CELF2: variants seen among roughly 807,000 people sequenced by gnomAD.
CELF2 encodes CUGBP Elav-like family member 2.
A neutral mutation model predicts 62.6 loss-of-function variants in CELF2; 8 were observed. The ratio of observed to expected loss-of-function variants is 0.13; its 90% CI spans 0.07 to 0.23. CELF2 has a LOEUF of 0.23. Among genes scored for constraint, CELF2 ranks in the 10% least tolerant of loss-of-function variants. The pLI is 1.00. For synonymous variants in CELF2, 258 were observed against 250.0 expected, an observed-to-expected ratio of 1.03 and a Z score of -0.30; for missense variants, 333 against 671.0, an observed-to-expected ratio of 0.50 and a Z score of 5.56.
the CELF2 span, among the ~76,000 whole-genome samples, chr10:10,785,745 A>G: frequency 1.3e-3 from 192 of 152,310 alleles, no homozygotes; most frequent in African/African-American, 4.5e-3. Context: ...AAGAAATTGG[A>G]GAGAAGTTGG....
the CELF2 span, among the ~76,000 whole-genome samples, chr10:10,598,724 ATTTTCTTTTTCT>A: frequency 2.0e-4 from 15 of 76,344 alleles, no homozygotes; most frequent in East Asian, 3.1e-3. Flanking sequence ...TCAAGGGCTG[ATTTTCTTTTTCT>A]TTTTCTTTTT....
intron 1 of CELF2, among the ~76,000 whole-genome samples, chr10:10,831,929 A>G (rs1412629619): frequency 6.8e-6 from 1 of 148,148 alleles, no homozygotes; most frequent in Non-Finnish European, 1.5e-5. Flanking sequence ...CCAAGATTGC[A>G]CCAGTGCACT....
the CELF2 span, among the ~76,000 whole-genome samples, chr10:10,555,749 C>A: frequency 6.6e-6 from 1 of 152,162 alleles, no homozygotes; most frequent in Admixed American, 6.5e-5. Context: ...CATGCACTCA[C>A]ACTCACAAAC....
the CELF2 span, among the ~76,000 whole-genome samples, chr10:10,630,476 T>C: frequency 3.9e-5 from 6 of 152,172 alleles, no homozygotes; most frequent in African/African-American, 1.2e-4. Context: ...CTCCCCTCAC[T>C]GCAGAAAGAG....
At chr10:10,994,124 A>G (rs187280950) in intron 2 of CELF2, among the ~76,000 whole-genome samples, 128 of 152,372 alleles carry the variant, frequency 8.4e-4, no homozygotes, top group African/African-American at 2.9e-3. Flanking sequence ...TATAGACAGC[A>G]GGAAGATTAA....
chr10:10,820,943 A>G (rs1182591693), intron 1 of CELF2, among the ~76,000 whole-genome samples: 1 of 152,220 alleles, frequency 6.6e-6, no homozygotes, highest in African/African-American at 2.4e-5. Context: ...TCTGGGGGTT[A>G]TTGTAGATAT....
intron 1 of CELF2, among the ~76,000 whole-genome samples, chr10:11,045,313 T>G (rs1376462719): frequency 6.6e-6 from 1 of 152,166 alleles, no homozygotes; most frequent in East Asian, 1.9e-4. Context: ...AAGTTGCTCA[T>G]GCTGGTCTAG....
At position 11,331,106 on chromosome 10, in the gene CELF2, A is replaced by G. The variant is rs2096004771; in HGVS notation, c.*2053A>G. ...CACCTTTTGCTGAACTCACAGTTAG[A>G]CAATCCATGGTTTAATGCACATGAA... On this transcript the variant is annotated 3_prime_UTR_variant, in exon 13 of 13. Transcript: ENST00000633077. 1 of 152,586 alleles carries G rather than the reference A, an allele frequency of 6.6e-6. No homozygotes were observed. The highest frequency in any genetic ancestry group is 1.5e-5 in the Non-Finnish European group (1 of 68,032). The allele number at this position is 152,586 out of a possible 1,614,324, so 9.5% of individuals were successfully genotyped here.
At position 10,813,145 on chromosome 10, in the gene CELF2, G is replaced by T. The variant is rs185744819; in HGVS notation, c.53+14328G>T. Among the ~76,000 whole-genome samples the T allele has an allele frequency of 9.5e-4, 144 of 152,116 alleles. 3 individuals carry two copies. In the South Asian group the frequency reaches 0.028, roughly 30 times the overall value. On this transcript the variant is annotated intron_variant, in intron 1 of 13. Transcript: ENST00000636488. ...AGGCTCTTTTATTCCCACTCCTTCCGTAGAGCTGATGGACGAAACTACAGA... is the reference window on the plus strand; with the variant it reads ...AGGCTCTTTTATTCCCACTCCTTCCTTAGAGCTGATGGACGAAACTACAGA...
chr10:10,537,551 AAAATACTTC>A, the CELF2 span, among the ~76,000 whole-genome samples: 1 of 152,186 alleles, frequency 6.6e-6, no homozygotes, highest in African/African-American at 2.4e-5. Flanking sequence ...CTTACCTTAA[AAAATACTTC>A]ATAACGACCT....
chr10:11,318,637 A>T lies in CELF2; in HGVS notation c.1097-2552A>T. On this transcript the variant is annotated intron_variant, in intron 10 of 12. Transcript: ENST00000633077. This position sits in a 1 kb window ranked among gnomAD's most constrained non-coding sequence, Gnocchi z 5.4. ...CAAGCCTCACAATACCCTCTGAAAC[A>T]TCCATCCAGTATTTCAAGAGCAGGA... The T allele has an allele frequency of 2.6e-6, 1 of 391,088 alleles. No individual in the cohort carries two copies. Among genetic ancestry groups the T allele is most frequent in the Non-Finnish European group, 5.3e-6 (1 of 190,158 alleles). 24.2% of individuals were successfully genotyped at this position (391,088 alleles called of 1,614,324 possible). A position where few individuals can be genotyped will look rare whatever the true frequency, so the allele number is the denominator to read the frequency against.
At chr10:11,118,778 T>C (rs1395943852) in intron 1 of CELF2, among the ~76,000 whole-genome samples, 1 of 152,206 alleles carries the variant, frequency 6.6e-6, no homozygotes, top group African/African-American at 2.4e-5. Context: ...TGTAGTGTTA[T>C]TTTACAGCTC....
the CELF2 span, among the ~76,000 whole-genome samples, chr10:10,748,786 A>G: frequency 6.6e-6 from 1 of 150,640 alleles, no homozygotes; most frequent in Non-Finnish European, 1.5e-5. Context: ...ATTCTCTCTG[A>G]AAGAGGTCAA....
At chr10:11,097,673 G>A (rs538155181) in intron 1 of CELF2, among the ~76,000 whole-genome samples, 1 of 152,294 alleles carries the variant, frequency 6.6e-6, no homozygotes, top group East Asian at 1.9e-4. Flanking sequence ...TTGTCACCAA[G>A]TGCCCATGTA....
chr10:10,823,210 A>G (rs1165544789), intron 1 of CELF2, among the ~76,000 whole-genome samples: 1 of 152,210 alleles, frequency 6.6e-6, no homozygotes, highest in Non-Finnish European at 1.5e-5. Context: ...TATGGCCTGT[A>G]CCTTCTAGTG....
the CELF2 span, among the ~76,000 whole-genome samples, chr10:10,505,316 T>C: frequency 6.6e-6 from 1 of 152,090 alleles, no homozygotes; most frequent in Non-Finnish European, 1.5e-5. Context: ...GGCTCCTTTT[T>C]TACTACAGGG....
the CELF2 span, among the ~76,000 whole-genome samples, chr10:10,779,609 G>T: frequency 6.6e-6 from 1 of 152,066 alleles, no homozygotes; most frequent in Admixed American, 6.5e-5. Context: ...AACATCCAGC[G>T]AAGGGTTTTT....
chr10:11,056,869 G>A (rs572887766), intron 1 of CELF2, among the ~76,000 whole-genome samples: 1 of 152,308 alleles, frequency 6.6e-6, no homozygotes, highest in Admixed American at 6.5e-5. Flanking sequence ...AGAAAAAGAA[G>A]TCATAGTACT....
At chr10:10,737,192 G>A in the CELF2 span, among the ~76,000 whole-genome samples, 1 of 152,030 alleles carries the variant, frequency 6.6e-6, no homozygotes, top group Non-Finnish European at 1.5e-5. Context: ...TGTTTGAAAC[G>A]TTATCTTGTG....
Sources: gnomAD v4.1 joint callset for allele counts (sites outside exome capture counted in the v4.1 genomes callset) on GRCh38, gnomAD v4.1.1 for gene constraint, Gnocchi (gnomAD v3.1) non-coding constraint, MANE v1.5 for transcripts, NCBI Gene and HGNC (gene_info 2026-07-23, HGNC 2026-07-21) for gene names.